Variants in SUGCT observed in about 807,000 individuals in gnomAD.
SUGCT encodes succinyl-CoA:glutarate-CoA transferase.
A neutral mutation model predicts 55.0 loss-of-function variants in SUGCT; 41 were observed. The observed-to-expected ratio is 0.74, with a 90% CI of 0.58 to 0.97. The LOEUF is 0.97. Among genes scored for constraint, SUGCT ranks in the 50% least tolerant of loss-of-function variants. The pLI is 0.00. For synonymous variants in SUGCT, 187 were observed against 200.4 expected (o/e 0.93, Z 0.56); for missense variants, 568 against 547.8 (o/e 1.04, Z -0.37).
the SUGCT span, among the ~76,000 whole-genome samples, chr7:40,999,026 T>G: frequency 6.6e-6 from 1 of 152,188 alleles, no homozygotes; most frequent in Non-Finnish European, 1.5e-5. Flanking sequence ...ATATAACATG[T>G]TATACACCTG....
At chr7:40,226,747 C>T (rs1162719255) in intron 6 of SUGCT, among the ~76,000 whole-genome samples, 1 of 151,842 alleles carries the variant, frequency 6.6e-6, no homozygotes, top group Non-Finnish European at 1.5e-5. Flanking sequence ...TTGCCCCAGA[C>T]CCATTTAGCT....
At chr7:40,414,975 G>T (rs1335717923) in intron 9 of SUGCT, among the ~76,000 whole-genome samples, 1 of 150,878 alleles carries the variant, frequency 6.6e-6, no homozygotes, top group Non-Finnish European at 1.5e-5. Context: ...AACTCTGGGG[G>T]CGGATGTTGC....
chr7:40,480,168 T>G lies in SUGCT; in HGVS notation c.987-16116T>G, dbSNP rs139590631. ...CGTTTTATGTCTTATGTTTTAGTCTTTAATCCATTGTGAGTTGATTTTTGT... is the reference window on the plus strand; with the variant it reads ...CGTTTTATGTCTTATGTTTTAGTCTGTAATCCATTGTGAGTTGATTTTTGT... On this transcript the variant is annotated intron_variant, in intron 11 of 13. Coordinates refer to ENST00000335693, the MANE Select transcript of SUGCT (RefSeq NM_001193313.2). Among the ~76,000 whole-genome samples the G allele has an allele frequency of 5.8e-4, 89 of 152,252 alleles. 1 individual carries two copies. In the East Asian group the frequency reaches 0.014, roughly 24 times the overall value.
At chr7:40,794,281 C>T (rs1790448909) in intron 13 of SUGCT, among the ~76,000 whole-genome samples, 1 of 152,076 alleles carries the variant, frequency 6.6e-6, no homozygotes, top group Admixed American at 6.6e-5. Flanking sequence ...AAACTAACAA[C>T]TTTTTTAGCT....
At chr7:40,498,058 A>G (rs1269752451) in intron 12 of SUGCT, among the ~76,000 whole-genome samples, 2 of 152,066 alleles carry the variant, frequency 1.3e-5, no homozygotes, top group Admixed American at 1.3e-4. Context: ...TTGCATCTCA[A>G]TTCTTCTGGA....
intron 12 of SUGCT, among the ~76,000 whole-genome samples, chr7:40,542,101 C>T (rs970252964): frequency 2.0e-5 from 3 of 152,136 alleles, no homozygotes; most frequent in Non-Finnish European, 4.4e-5. Flanking sequence ...TTGGTTGGAG[C>T]AGAGGGTATG....
chr7:40,341,457 G>T (rs1797042127), intron 9 of SUGCT, among the ~76,000 whole-genome samples: 1 of 152,186 alleles, frequency 6.6e-6, no homozygotes, highest in Non-Finnish European at 1.5e-5. Flanking sequence ...TGTTGAGGGA[G>T]ATGTGTAAAC....
At chr7:40,951,677 G>A in the SUGCT span, among the ~76,000 whole-genome samples, 1 of 152,088 alleles carries the variant, frequency 6.6e-6, no homozygotes, top group Admixed American at 6.6e-5. Context: ...TGGTTTCAAA[G>A]AACATCTTTA....
intron 8 of SUGCT, among the ~76,000 whole-genome samples, chr7:40,313,352 C>CT (rs1220004517): frequency 6.6e-6 from 1 of 152,140 alleles, no homozygotes; most frequent in Non-Finnish European, 1.5e-5. Flanking sequence ...ATCCTGCATT[C>CT]TTTTAATTTG....
At chr7:40,665,133 A>T (rs570566603) in intron 12 of SUGCT, among the ~76,000 whole-genome samples, 1 of 152,038 alleles carries the variant, frequency 6.6e-6, no homozygotes, top group South Asian at 2.1e-4. Flanking sequence ...GAACTTTACA[A>T]AGCAAATTTA....
intron 9 of SUGCT, among the ~76,000 whole-genome samples, chr7:40,363,037 T>C (rs1240926354): frequency 2.0e-5 from 3 of 152,218 alleles, no homozygotes; most frequent in African/African-American, 7.2e-5. Context: ...TGGTTTAGAC[T>C]TGGGAGGGTG....
At chr7:40,904,639 A>G in the SUGCT span, among the ~76,000 whole-genome samples, 1 of 152,192 alleles carries the variant, frequency 6.6e-6, no homozygotes, top group African/African-American at 2.4e-5. Flanking sequence ...ATGTTTGCAC[A>G]GCAATGTGAA....
the SUGCT span, among the ~76,000 whole-genome samples, chr7:40,948,917 G>C: frequency 6.6e-6 from 1 of 152,102 alleles, no homozygotes; most frequent in African/African-American, 2.4e-5. Context: ...ATAAACATAC[G>C]TATGCATGTG....
the SUGCT span, among the ~76,000 whole-genome samples, chr7:41,029,319 T>C: frequency 1.3e-5 from 2 of 152,108 alleles, no homozygotes; most frequent in African/African-American, 4.8e-5. Context: ...AAATTCTTAG[T>C]CACATATTAG....
chr7:40,211,982 C>T (rs546625665), intron 6 of SUGCT, among the ~76,000 whole-genome samples: 1 of 152,234 alleles, frequency 6.6e-6, no homozygotes, highest in Non-Finnish European at 1.5e-5. Context: ...AAATAATGTA[C>T]CTTTTTTCTC....
rs10660450 is a variant in SUGCT at position 40,389,469 on chromosome 7, A to ACAAACAAACAAAG, written c.817-59815_817-59814insACAAACAAAGCAA. 3.2e-3 allele frequency among the ~76,000 whole-genome samples: 468 copies of ACAAACAAACAAAG among 148,514 alleles called. 3 individuals are homozygous for ACAAACAAACAAAG. Among genetic ancestry groups the ACAAACAAACAAAG allele is most frequent in the Middle Eastern group, 0.024 (7 of 290 alleles). On this transcript the variant is annotated intron_variant, in intron 9 of 13. Transcript: ENST00000335693. ...AACAAACAAACAAACAAACAAACAA[A>ACAAACAAACAAAG]CAAGCAAAAAGAAGAGTTACCGAAC...
chr7:40,657,492 G>C (rs1046698421), intron 12 of SUGCT, among the ~76,000 whole-genome samples: 12 of 144,800 alleles, frequency 8.3e-5, no homozygotes, highest in South Asian at 2.3e-4. Flanking sequence ...CATTTAATTA[G>C]TAATCTCGTG....
At chr7:40,512,450 G>A (rs1435407103) in intron 12 of SUGCT, among the ~76,000 whole-genome samples, 2 of 152,178 alleles carry the variant, frequency 1.3e-5, no homozygotes, top group African/African-American at 4.8e-5. Context: ...GAGTGCTGTG[G>A]CTGTGTACAT....
At chr7:40,857,571 C>T (rs1448192517) in intron 13 of SUGCT, among the ~76,000 whole-genome samples, 2 of 78,834 alleles carry the variant, frequency 2.5e-5, no homozygotes, top group East Asian at 7.0e-4. Flanking sequence ...AAAAGTATGG[C>T]ATACAGTGGG....
Sources: gnomAD v4.1 joint callset for allele counts (sites outside exome capture counted in the v4.1 genomes callset) on GRCh38, gnomAD v4.1.1 for gene constraint, MANE v1.5 for transcripts, NCBI Gene and HGNC (gene_info 2026-07-23, HGNC 2026-07-21) for gene names.